The following LTBP1 variants were observed in gnomAD, a reference collection of about 807,000 sequenced individuals.
LTBP1 encodes latent-transforming growth factor beta-binding protein 1.
In LTBP1, 129 loss-of-function variants were observed where a neutral mutation model predicts 207.6. The ratio of observed to expected loss-of-function variants is 0.62; its 90% CI spans 0.54 to 0.72. The LOEUF is 0.72. Among genes scored for constraint, LTBP1 ranks in the 30% least tolerant of loss-of-function variants. The probability of loss-of-function intolerance (pLI) is 0.00; values close to 1 mark genes in which losing one functional copy is unlikely to be tolerated. For synonymous variants in LTBP1, 963 were observed against 833.7 expected (o/e 1.16, Z -2.67); for missense variants, 2,281 against 2,217.2 (o/e 1.03, Z -0.58).
rs1239459649 is a variant in LTBP1 at position 33,234,619 on chromosome 2, A to G, written c.1877-9043A>G. On this transcript the variant is annotated intron_variant, in intron 9 of 33. Transcript: ENST00000404816. ...CATTCCATGCTCCTGGATAGGAAGC[A>G]TCAATATCGTGAAAATGGCCATACT... 2.0e-5 allele frequency among the ~76,000 whole-genome samples: 3 copies of G among 152,256 alleles called. No homozygotes were observed. The South Asian group carries it at 6.2e-4, about 31-fold the overall frequency.
intron 5 of LTBP1, among the ~76,000 whole-genome samples, chr2:33,159,690 C>A (rs951548823): frequency 7.2e-5 from 11 of 151,984 alleles, no homozygotes; most frequent in Admixed American, 3.9e-4. Flanking sequence ...GAAGAATTCC[C>A]AGATTAAAAG....
intron 1 of LTBP1, 136 bp downstream of exon 1, chr2:32,947,954 C>T: frequency 1.5e-6 from 1 of 687,112 alleles, no homozygotes; most frequent in Non-Finnish European, 2.0e-6. Flanking sequence ...TCTCCTCCCG[C>T]CTCCGCCTGC....
chr2:33,146,631 G>A (rs1015498841), intron 5 of LTBP1, among the ~76,000 whole-genome samples: 3 of 152,220 alleles, frequency 2.0e-5, no homozygotes, highest in African/African-American at 7.2e-5. Context: ...TCACAGTTCC[G>A]CAAGCTGTAC....
At position 32,947,612 on chromosome 2, in the gene LTBP1, G is replaced by C; in HGVS notation, c.288G>C (p.Gln96His). Reference sequence around the variant, plus strand: ...GCAAGCCGGGCGGCGCGGCCCTGCAGGGGCTCAGACCGCCGCCGCCGCCGC... The same window carrying C: ...GCAAGCCGGGCGGCGCGGCCCTGCACGGGCTCAGACCGCCGCCGCCGCCGC... ...RTSKPGGAAL[Q>H]GLRPPPPPPP... The change falls in exon 1 of 34, where the codon CAG (glutamine) becomes CAC (histidine). Residue 96 changes from glutamine to histidine, a missense_variant. Physicochemically the swap from Gln to His is conservative, Grantham distance 24. Coordinates refer to ENST00000404816, the MANE Select transcript of LTBP1 (RefSeq NM_206943.4). The C allele has an allele frequency of 4.5e-6, 6 of 1,334,906 alleles. No homozygotes were observed. The highest frequency in any genetic ancestry group is 5.7e-6 in the Non-Finnish European group (6 of 1,049,042). 82.7% of individuals were successfully genotyped at this position (1,334,906 alleles called of 1,614,324 possible). A position where few individuals can be genotyped will look rare whatever the true frequency, so the allele number is the denominator to read the frequency against.
At chr2:33,194,882 T>A (rs10195782) in intron 7 of LTBP1, among the ~76,000 whole-genome samples, 12,238 of 152,274 alleles carry the variant, frequency 0.08, 1,069 homozygotes, top group African/African-American at 0.22. Context: ...TGGTGACTTT[T>A]AGTTGCAGCC....
intron 2 of LTBP1, among the ~76,000 whole-genome samples, chr2:32,993,824 T>TCACATGG (rs1684818548): frequency 6.6e-6 from 1 of 152,162 alleles, no homozygotes; most frequent in Non-Finnish European, 1.5e-5. Context: ...CAGCTCAGGG[T>TCACATGG]CACATGGCAC....
intron 23 of LTBP1, among the ~76,000 whole-genome samples, chr2:33,313,620 C>G (rs73925680): frequency 0.042 from 6,345 of 152,264 alleles, 429 homozygotes; most frequent in African/African-American, 0.14. Flanking sequence ...GATAGGAAAA[C>G]GACCTTAGTG....
chr2:33,363,299 C>T, intron 28 of LTBP1, 91 bp from the exon 29 acceptor site: 1 of 1,269,490 alleles, frequency 7.9e-7, no homozygotes, highest in Non-Finnish European at 1.1e-6. Context: ...ATTATAATAT[C>T]TAACTTAAAG....
chr2:33,090,775 C>G (rs2079038648), intron 3 of LTBP1, among the ~76,000 whole-genome samples: 2 of 152,094 alleles, frequency 1.3e-5, no homozygotes, highest in East Asian at 3.9e-4. Flanking sequence ...CTCTAAAGTC[C>G]AACTATAATA....
chr2:33,209,795 G>T (rs1373916498), intron 7 of LTBP1, among the ~76,000 whole-genome samples: 1 of 152,202 alleles, frequency 6.6e-6, no homozygotes, highest in East Asian at 1.9e-4. Context: ...GGAGGAGCCT[G>T]GGGGAAGAGA....
At chr2:33,211,247 G>A (rs1331665934) in intron 7 of LTBP1, among the ~76,000 whole-genome samples, 1 of 152,120 alleles carries the variant, frequency 6.6e-6, no homozygotes, top group African/African-American at 2.4e-5. Context: ...TAATAAATGT[G>A]TCCTGAGAGT....
chr2:33,032,925 CA>C lies in LTBP1; in HGVS notation c.863+11720del, dbSNP rs2075753800. On this transcript the variant is annotated intron_variant, in intron 3 of 33. Transcript: ENST00000404816. ...TTTTAAAAAACTTACATATCCATAT[CA>C]GCTTTATGTTCAGATTAATTTAGGA... is the stretch of plus-strand genomic sequence containing the variant. 1.3e-5 allele frequency among the ~76,000 whole-genome samples: 2 copies of C among 152,118 alleles called. 1 individual carries two copies. The highest frequency in any genetic ancestry group is 4.1e-4 in the South Asian group (2 of 4,824).
At chr2:33,246,645 C>T (rs1045131524) in intron 10 of LTBP1, among the ~76,000 whole-genome samples, 1 of 152,184 alleles carries the variant, frequency 6.6e-6, no homozygotes, top group African/African-American at 2.4e-5. Flanking sequence ...CCAGAGCATA[C>T]AAGGTGTGGC....
chr2:33,289,472 G>C lies in LTBP1; in HGVS notation c.3113-3688G>C, dbSNP rs139558363. Among the ~76,000 whole-genome samples the C allele has an allele frequency of 5.1e-3, 770 of 152,148 alleles. 9 individuals carry two copies. Among genetic ancestry groups the C allele is most frequent in the African/African-American group, 0.018 (738 of 41,502 alleles). On this transcript the variant is annotated intron_variant, in intron 19 of 33. Coordinates refer to ENST00000404816, the MANE Select transcript of LTBP1 (RefSeq NM_206943.4). ...ACTCCTGGGCTCCAGTGATTCTCCT[G>C]CCTCAGCCTCCCAAGTAGCTGGGAC...
intron 3 of LTBP1, among the ~76,000 whole-genome samples, chr2:33,066,957 A>G (rs77766552): frequency 0.011 from 1,677 of 152,300 alleles, 26 homozygotes; most frequent in African/African-American, 0.037. Flanking sequence ...GCCTGAGTCC[A>G]GGAGTTCGAG....
rs1195816647 is a variant in LTBP1, at chr2:33,280,077, G to A, written c.3031G>A (p.Glu1011Lys). 1 of 1,614,106 alleles carries A rather than the reference G, an allele frequency of 6.2e-7. No homozygotes were observed. ...TTTGAATCCAAGCACTTGTCCAGAT[G>A]AGCAGTGTGTGAATTCTCCTGGATC... ...ECLNPSTCPD[E>K]QCVNSPGSYQ... is the part of the protein sequence containing the mutation. Residue 1011 changes from glutamate (E) to lysine (K), a missense_variant, in exon 19 of 34, where the codon GAG becomes AAG. Physicochemically the swap from Glu to Lys is moderately conservative, Grantham distance 56. Coordinates refer to ENST00000404816, the MANE Select transcript of LTBP1 (RefSeq NM_206943.4).
At chr2:33,218,108 G>A (rs1408820780) in intron 8 of LTBP1, among the ~76,000 whole-genome samples, 1 of 152,088 alleles carries the variant, frequency 6.6e-6, no homozygotes, top group Non-Finnish European at 1.5e-5. Flanking sequence ...TTCATTAAAA[G>A]GAAAGCTAAA....
chr2:33,139,437 A>T (rs1033777702), intron 5 of LTBP1, among the ~76,000 whole-genome samples: 23 of 152,334 alleles, frequency 1.5e-4, no homozygotes, highest in African/African-American at 4.1e-4. Flanking sequence ...TGAGGAAGAG[A>T]TGAAGGGTAT....
chr2:33,103,586 C>CATGT (rs1553408090), intron 3 of LTBP1, among the ~76,000 whole-genome samples: 11 of 118,144 alleles, frequency 9.3e-5, no homozygotes, highest in Non-Finnish European at 1.9e-4. Context: ...TCTCCGTTTA[C>CATGT]GTGTGTGTGT....
Sources: gnomAD v4.1 joint callset for allele counts (sites outside exome capture counted in the v4.1 genomes callset) on GRCh38, gnomAD v4.1.1 for gene constraint, MANE v1.5 for transcripts, NCBI Gene and HGNC (gene_info 2026-07-23, HGNC 2026-07-21) for gene names.